The following SMOC1 variants were observed in gnomAD, a reference collection of about 807,000 sequenced individuals.
SMOC1 encodes SPARC-related modular calcium-binding protein 1.
A neutral mutation model predicts 56.3 loss-of-function variants in SMOC1; 22 were observed. The observed-to-expected ratio is 0.39, with a 90% CI of 0.28 to 0.56. The LOEUF is 0.56. Ranked by LOEUF, SMOC1 falls within the 20% of genes least tolerant of loss-of-function variation. The pLI is 0.61. For synonymous variants in SMOC1, 193 were observed against 215.0 expected, an observed-to-expected ratio of 0.90 and a Z score of 0.89; for missense variants, 509 against 565.4, an observed-to-expected ratio of 0.90 and a Z score of 1.01.
intron 1 of SMOC1, among the ~76,000 whole-genome samples, chr14:69,911,117 T>C (rs1314866032): frequency 2.0e-5 from 3 of 152,150 alleles, no homozygotes; most frequent in African/African-American, 7.2e-5. Context: ...GCATACAATA[T>C]AGCTATTGTT....
rs1566686693 is a variant in SMOC1, at chr14:69,953,461, C to T, written c.307C>T (p.Leu103=). The T allele has an allele frequency of 1.2e-6, 2 of 1,614,264 alleles. No individual in the cohort carries two copies. Among genetic ancestry groups the T allele is most frequent in the African/African-American group, 1.3e-5 (1 of 75,068 alleles). Residue 103 remains leucine, a synonymous_variant, in exon 3 of 12, where the codon CTG becomes TTG. Transcript: ENST00000361956. The part of the protein sequence containing the change: ...SKCRLERAQA[L]EQAKKPQEAV... Reference sequence around the variant, plus strand: ...GTGTCGCCTGGAGCGGGCTCAAGCCCTGGAGCAAGCCAAGAAGCCTCAGGA... The same window carrying T: ...GTGTCGCCTGGAGCGGGCTCAAGCCTTGGAGCAAGCCAAGAAGCCTCAGGA...
chr14:69,960,611 AC>A (rs1317333700), intron 3 of SMOC1, among the ~76,000 whole-genome samples: 7 of 152,182 alleles, frequency 4.6e-5, no homozygotes, highest in Non-Finnish European at 8.8e-5. Context: ...TGCTCAAAAA[AC>A]ATATTATTAT....
At chr14:69,906,433 C>G (rs1884410122) in intron 1 of SMOC1, among the ~76,000 whole-genome samples, 1 of 152,176 alleles carries the variant, frequency 6.6e-6, no homozygotes, top group Admixed American at 6.5e-5. Flanking sequence ...CCACTGACAG[C>G]CAGCATCAAC....
Position 70,024,615 on chromosome 14 carries a change from A to G in SMOC1, c.1291+1168A>G, listed in dbSNP as rs73290774. Among the ~76,000 whole-genome samples the G allele has an allele frequency of 8.5e-3, 1,291 of 152,190 alleles. 21 individuals are homozygous for G. The highest frequency in any genetic ancestry group is 0.029 in the African/African-American group (1,214 of 41,504). ...AGGAGAGGGAAGAGTGTTCTAAGCC[A>G]AGGCAAATGAGGAGTGAAGCTCTGG... On this transcript the variant is annotated intron_variant, in intron 11 of 11. Coordinates refer to ENST00000361956, the MANE Select transcript of SMOC1 (RefSeq NM_001034852.3).
intron 1 of SMOC1, among the ~76,000 whole-genome samples, chr14:69,891,014 AT>A (rs887276282): frequency 3.9e-4 from 60 of 152,350 alleles, no homozygotes; most frequent in African/African-American, 1.3e-3. Flanking sequence ...GTATATACAA[AT>A]AATGAACTAT....
At chr14:69,994,991 C>G (rs902238682) in intron 7 of SMOC1, among the ~76,000 whole-genome samples, 1 of 152,094 alleles carries the variant, frequency 6.6e-6, no homozygotes, top group Admixed American at 6.5e-5. Context: ...TTTGTAGACT[C>G]TATTTAATAA....
chr14:69,938,274 A>G (rs998626409), intron 1 of SMOC1, among the ~76,000 whole-genome samples: 4 of 151,998 alleles, frequency 2.6e-5, no homozygotes, highest in Non-Finnish European at 1.5e-5. Context: ...TCTTCCTGCT[A>G]TGTTTAGAAT....
At chr14:69,948,674 C>G (rs943769774) in intron 1 of SMOC1, among the ~76,000 whole-genome samples, 1 of 152,210 alleles carries the variant, frequency 6.6e-6, no homozygotes, top group African/African-American at 2.4e-5. Flanking sequence ...TCCTCTCCCT[C>G]TTTTTTCTGT....
At chr14:69,889,826 C>T (rs1263455672) in intron 1 of SMOC1, among the ~76,000 whole-genome samples, 1 of 152,318 alleles carries the variant, frequency 6.6e-6, no homozygotes, top group East Asian at 1.9e-4. Flanking sequence ...CGGCTTGTGG[C>T]CCCTTCCACC....
chr14:69,972,361 G>C (rs994048531), intron 3 of SMOC1, among the ~76,000 whole-genome samples: 4 of 152,182 alleles, frequency 2.6e-5, no homozygotes, highest in African/African-American at 9.7e-5. Context: ...ACTTCCCTCA[G>C]CTCCTGGATC....
At position 69,992,459 on chromosome 14, in the gene SMOC1, T is replaced by C. The variant is rs1052020683; in HGVS notation, c.569T>C (p.Val190Ala). ...KPTPTMETQP[V>A]FDGDEITAPT... ...ACACCCACGATGGAGACCCAGCCGG[T>C]GTTCGATGGAGATGGTAAGATCTTG... is the stretch of plus-strand genomic sequence containing the variant. Residue 190 changes from valine (V) to alanine (A), a missense_variant, in exon 6 of 12, where the codon GTG becomes GCG. Physicochemically the swap from Val to Ala is moderately conservative, Grantham distance 64. This residue lies in a region of SMOC1 where 315 missense variants were observed against 333.1 expected (regional missense o/e 0.95). Coordinates refer to ENST00000361956, the MANE Select transcript of SMOC1 (RefSeq NM_001034852.3). 9 of 1,613,658 alleles carry C rather than the reference T, an allele frequency of 5.6e-6. No individual in the cohort carries two copies. The highest frequency in any genetic ancestry group is 7.6e-6 in the Non-Finnish European group (9 of 1,179,660).
rs1487609208 is a variant in SMOC1, at chr14:70,030,620, T to C, written c.*362T>C. ...TGTATATAAATATATATGTAAATTGTATAGTTCTTTTGTACAGGCATTGGC... is the reference window on the plus strand; with the variant it reads ...TGTATATAAATATATATGTAAATTGCATAGTTCTTTTGTACAGGCATTGGC... On this transcript the variant is annotated 3_prime_UTR_variant, in exon 12 of 12. Coordinates refer to ENST00000361956, the MANE Select transcript of SMOC1 (RefSeq NM_001034852.3). 4.0e-6 allele frequency: 1 copy of C among 247,348 alleles called. No homozygotes were observed. Among genetic ancestry groups the C allele is most frequent in the Non-Finnish European group, 7.7e-6 (1 of 130,070 alleles). 15.3% of individuals were successfully genotyped at this position (247,348 alleles called of 1,614,324 possible). A position where few individuals can be genotyped will look rare whatever the true frequency, so the allele number is the denominator to read the frequency against.
rs1014765397 is a variant in SMOC1, at chr14:70,030,104, C to T, written c.1292-138C>T. On this transcript the variant is annotated intron_variant, in intron 11 of 11. Coordinates refer to ENST00000361956, the MANE Select transcript of SMOC1 (RefSeq NM_001034852.3). ...GTGCCCCACCTAGCCTCATAGAGGA[C>T]AGCAGGTGGAAAAGGCTGCACTTGT... is the stretch of plus-strand genomic sequence containing the variant. 2.4e-6 allele frequency: 3 copies of T among 1,273,714 alleles called. No individual in the cohort carries two copies. The African/African-American group carries it at 4.5e-5, about 19-fold the overall frequency. 78.9% of individuals were successfully genotyped at this position (1,273,714 alleles called of 1,614,324 possible).
intron 7 of SMOC1, among the ~76,000 whole-genome samples, chr14:70,003,367 A>C (rs1238079209): frequency 6.6e-6 from 1 of 152,186 alleles, no homozygotes; most frequent in Non-Finnish European, 1.5e-5. Flanking sequence ...CCCCCAAGAA[A>C]ATCCAGTGCT....
chr14:69,961,270 GTGTATATATATATATATA>G (rs1401476982), intron 3 of SMOC1, among the ~76,000 whole-genome samples: 46 of 59,692 alleles, frequency 7.7e-4, no homozygotes, highest in African/African-American at 2.4e-3. Flanking sequence ...ATATTCTATT[GTGTATATATATATATATA>G]TATATATATA....
At chr14:69,982,164 T>C (rs1252288602) in intron 5 of SMOC1, among the ~76,000 whole-genome samples, 1 of 152,134 alleles carries the variant, frequency 6.6e-6, no homozygotes, top group Non-Finnish European at 1.5e-5. Flanking sequence ...CCATAAGAAG[T>C]CTGGGAGTTA....
intron 1 of SMOC1, among the ~76,000 whole-genome samples, chr14:69,934,301 C>T (rs1885242465): frequency 6.6e-6 from 1 of 152,292 alleles, no homozygotes; most frequent in South Asian, 2.1e-4. Context: ...GGGGTATTGT[C>T]ATTGGCCCAG....
At chr14:69,885,953 A>T in intron 1 of SMOC1, 2 of 1,592,294 alleles carry the variant, frequency 1.3e-6, no homozygotes, top group African/African-American at 1.3e-5. Context: ...CTGCCGCTGC[A>T]ACCTGATATA....
chr14:69,882,230 C>G (rs904833356), intron 1 of SMOC1, among the ~76,000 whole-genome samples: 10 of 152,200 alleles, frequency 6.6e-5, no homozygotes, highest in Non-Finnish European at 1.5e-4. Flanking sequence ...GCAGAAACAT[C>G]TGGCTTGTTG....
Sources: gnomAD v4.1 joint callset for allele counts (sites outside exome capture counted in the v4.1 genomes callset) on GRCh38, gnomAD v4.1.1 for gene constraint, gnomAD v4.1.1 regional missense constraint, MANE v1.5 for transcripts, NCBI Gene and HGNC (gene_info 2026-07-23, HGNC 2026-07-21) for gene names.